Variants in KCNMA1 observed in about 807,000 individuals in gnomAD.
The protein encoded by KCNMA1 is Calcium-activated potassium channel subunit alpha-1.
In KCNMA1, 29 loss-of-function variants were observed where a neutral mutation model predicts 140.0. The ratio of observed to expected loss-of-function variants is 0.21; its 90% confidence interval spans 0.15 to 0.28. KCNMA1 has a LOEUF of 0.28. Among genes scored for constraint, KCNMA1 ranks in the 10% least tolerant of loss-of-function variants. KCNMA1 has a pLI of 1.00. For synonymous variants in KCNMA1, 612 were observed against 611.9 expected, an observed-to-expected ratio of 1.00 and a Z score of 0.00; for missense variants, 880 against 1,602.2, an observed-to-expected ratio of 0.55 and a Z score of 7.70.
intron 25 of KCNMA1, 138 bp from the exon 26 acceptor site, chr10:76,891,857 G>A (rs1175010058): frequency 2.7e-6 from 2 of 741,492 alleles, no homozygotes; most frequent in African/African-American, 1.7e-5. Flanking sequence ...ATTTCATGTG[G>A]GGAGTGAAAA....
intron 22 of KCNMA1, among the ~76,000 whole-genome samples, chr10:76,947,521 A>G (rs953545199): frequency 1.3e-5 from 2 of 152,236 alleles, no homozygotes; most frequent in African/African-American, 4.8e-5. Flanking sequence ...AGACACTTTC[A>G]GAGGTCAGGG....
intron 2 of KCNMA1, among the ~76,000 whole-genome samples, chr10:77,367,451 T>C (rs984742516): frequency 6.6e-6 from 1 of 152,098 alleles, no homozygotes; most frequent in Non-Finnish European, 1.5e-5. Flanking sequence ...CCACTTGTGT[T>C]CCCAAGAGCC....
At chr10:77,225,337 A>G (rs755783823) in intron 3 of KCNMA1, among the ~76,000 whole-genome samples, 1 of 152,158 alleles carries the variant, frequency 6.6e-6, no homozygotes, top group Non-Finnish European at 1.5e-5. Flanking sequence ...GTGTCTAAAC[A>G]AAGGCAGGAA....
At chr10:77,388,855 T>C (rs2095708394) in intron 2 of KCNMA1, among the ~76,000 whole-genome samples, 1 of 152,182 alleles carries the variant, frequency 6.6e-6, no homozygotes, top group Non-Finnish European at 1.5e-5. Context: ...TTACAAGGTT[T>C]TTTTCTGTAA....
intron 1 of KCNMA1, among the ~76,000 whole-genome samples, chr10:77,581,685 T>C (rs971382109): frequency 3.9e-5 from 6 of 152,198 alleles, no homozygotes; most frequent in South Asian, 2.1e-4. Context: ...GTTGCCTTAC[T>C]CCCTCCACTC....
At chr10:77,524,986 T>G (rs1243544616) in intron 1 of KCNMA1, among the ~76,000 whole-genome samples, 1 of 152,168 alleles carries the variant, frequency 6.6e-6, no homozygotes, top group Non-Finnish European at 1.5e-5. Context: ...CCTGACCCCC[T>G]AACCCAGTCA....
intron 2 of KCNMA1, among the ~76,000 whole-genome samples, chr10:77,392,256 G>A (rs1426582943): frequency 1.5e-5 from 2 of 135,148 alleles, no homozygotes; most frequent in Non-Finnish European, 3.2e-5. Flanking sequence ...GAGAGGGAAG[G>A]GAAGGGAGGG....
At chr10:76,923,197 G>T (rs998530999) in intron 23 of KCNMA1, among the ~76,000 whole-genome samples, 1 of 152,062 alleles carries the variant, frequency 6.6e-6, no homozygotes, top group African/African-American at 2.4e-5. Flanking sequence ...ATTAAGATTC[G>T]TAAAATATAT....
chr10:77,234,957 A>G (rs1565396930), intron 3 of KCNMA1, among the ~76,000 whole-genome samples: 1 of 152,222 alleles, frequency 6.6e-6, no homozygotes, highest in East Asian at 1.9e-4. Flanking sequence ...CGCAGAGTTC[A>G]GCAGAGATTT....
chr10:77,546,397 A>G (rs1429671879), intron 1 of KCNMA1, among the ~76,000 whole-genome samples: 1 of 148,954 alleles, frequency 6.7e-6, no homozygotes, highest in Non-Finnish European at 1.5e-5. Flanking sequence ...ACAGGGAAAA[A>G]GGGATCAGAA....
intron 2 of KCNMA1, among the ~76,000 whole-genome samples, chr10:77,320,398 T>A (rs1455486993): frequency 1.3e-5 from 2 of 152,124 alleles, no homozygotes; most frequent in African/African-American, 4.8e-5. Flanking sequence ...AAGGGGCTAC[T>A]CCCCTAAGAA....
chr10:77,425,731 G>C (rs965113283), intron 1 of KCNMA1, among the ~76,000 whole-genome samples: 33 of 152,250 alleles, frequency 2.2e-4, no homozygotes, highest in African/African-American at 7.7e-4. Flanking sequence ...TAATGATTCT[G>C]GTATTTTTTC....
chr10:77,218,023 A>G (rs1246307419), intron 3 of KCNMA1, among the ~76,000 whole-genome samples: 1 of 152,188 alleles, frequency 6.6e-6, no homozygotes, highest in Non-Finnish European at 1.5e-5. Context: ...AGGGTTGAGA[A>G]GATCCTTCTC....
At position 77,602,856 on chromosome 10, in the gene KCNMA1, G is replaced by C. The variant is rs148654093; in HGVS notation, c.378+34409C>G. On this transcript the variant is annotated intron_variant, in intron 1 of 27. Coordinates refer to ENST00000286628, the MANE Select transcript of KCNMA1 (RefSeq NM_001161352.2). ...GAACATTCTCAGAGCATGTCCAGGG[G>C]ACACCTCCGGGAATATGCATTCATC... Among the ~76,000 whole-genome samples the C allele has an allele frequency of 2.2e-3, 340 of 152,288 alleles. 2 individuals carry two copies. The highest frequency in any genetic ancestry group is 7.9e-3 in the African/African-American group (328 of 41,558).
Position 77,167,611 on chromosome 10 carries a change from G to A in KCNMA1, c.808+15810C>T, listed in dbSNP as rs553594125. On this transcript the variant is annotated intron_variant, in intron 5 of 27. Coordinates refer to ENST00000286628, the MANE Select transcript of KCNMA1 (RefSeq NM_001161352.2). Reference sequence around the variant, plus strand: ...CAATATTTATGAAGTTTCTTAACCAGGGCAGAGACTAGGGTAAGACAGTGA... The same window carrying A: ...CAATATTTATGAAGTTTCTTAACCAAGGCAGAGACTAGGGTAAGACAGTGA... Among the ~76,000 whole-genome samples, 6 of 152,124 alleles carry A rather than the reference G, an allele frequency of 3.9e-5. No individual in the cohort carries two copies. The East Asian group carries it at 7.7e-4, about 20-fold the overall frequency.
At chr10:77,068,421 A>C (rs572107881) in intron 14 of KCNMA1, among the ~76,000 whole-genome samples, 5 of 152,286 alleles carry the variant, frequency 3.3e-5, no homozygotes, top group Admixed American at 2.6e-4. Context: ...GTGCTAGGAC[A>C]AAAACTTTGT....
At chr10:76,944,992 A>C (rs77058356) in intron 22 of KCNMA1, 27 bp from the exon 23 acceptor site, 1 of 1,596,512 alleles carries the variant, frequency 6.3e-7, no homozygotes, top group South Asian at 1.1e-5. Flanking sequence ...AGAAAAAAAA[A>C]CAGAGATGGG....
At chr10:76,890,542 GGTCCCA>G (rs2039528690) in intron 26 of KCNMA1, among the ~76,000 whole-genome samples, 1 of 152,278 alleles carries the variant, frequency 6.6e-6, no homozygotes, top group Non-Finnish European at 1.5e-5. Context: ...GTCTAACATA[GGTCCCA>G]GTCCATGATC....
rs1314873507 is a variant in KCNMA1 at position 77,313,372 on chromosome 10, T to A, written c.541-62116A>T. 2.0e-5 allele frequency among the ~76,000 whole-genome samples: 3 copies of A among 152,184 alleles called. No individual in the cohort carries two copies. In the East Asian group the frequency reaches 5.8e-4, roughly 29 times the overall value. On this transcript the variant is annotated intron_variant, in intron 2 of 27. Coordinates refer to ENST00000286628, the MANE Select transcript of KCNMA1 (RefSeq NM_001161352.2). ...GATGCCGGTAAGAGGAGCACTTCTC[T>A]TCCCCTTAAGCCACTCACGACAGAG... is the stretch of plus-strand genomic sequence containing the variant.
Sources: gnomAD v4.1 joint callset for allele counts (sites outside exome capture counted in the v4.1 genomes callset) on GRCh38, gnomAD v4.1.1 for gene constraint, MANE v1.5 for transcripts, NCBI Gene and HGNC (gene_info 2026-07-23, HGNC 2026-07-21) for gene names.